The following GREB1 variants were observed in gnomAD, a reference collection of about 807,000 sequenced individuals.
The protein encoded by GREB1 is protein GREB1.
Under a neutral mutation model 200.7 loss-of-function variants are expected in GREB1, and 106 were observed. That is an observed-to-expected ratio of 0.53 (90% confidence interval 0.45 to 0.62). The LOEUF (loss-of-function observed/expected upper bound fraction) is 0.62, where lower values mean the gene tolerates loss of function less well. Ranked by LOEUF, GREB1 falls within the 20% of genes least tolerant of loss-of-function variation. The probability of loss-of-function intolerance (pLI) is 0.00; values close to 1 mark genes in which losing one functional copy is unlikely to be tolerated. For synonymous variants in GREB1, 1,132 were observed against 1,092.4 expected (o/e 1.04, Z -0.72); for missense variants, 2,243 against 2,556.8 (o/e 0.88, Z 2.65).
intron 1 of GREB1, among the ~76,000 whole-genome samples, chr2:11,501,408 T>G (rs917304189): frequency 5.3e-5 from 8 of 152,290 alleles, no homozygotes; most frequent in Middle Eastern, 3.4e-3. Context: ...TGCTGCGTTT[T>G]TTTGAGATGG....
intron 1 of GREB1, among the ~76,000 whole-genome samples, chr2:11,525,803 C>G (rs1004842757): frequency 1.2e-4 from 18 of 152,170 alleles, no homozygotes; most frequent in African/African-American, 4.3e-4. Context: ...CATCTAGATT[C>G]TCCTGGCCCC....
At chr2:11,552,548 T>A (rs1269749054) in intron 1 of GREB1, among the ~76,000 whole-genome samples, 1 of 152,160 alleles carries the variant, frequency 6.6e-6, no homozygotes, top group Admixed American at 6.5e-5. Flanking sequence ...CGGATTCCAG[T>A]GGGTCAGAGA....
chr2:11,595,983 G>T, intron 12 of GREB1, 128 bp from the exon 13 acceptor site: 1 of 830,354 alleles, frequency 1.2e-6, no homozygotes, highest in Non-Finnish European at 1.9e-6. Context: ...TTGACAGGAC[G>T]GGCCATGTCC....
chr2:11,596,772 TGA>T (rs1491136494), intron 13 of GREB1, among the ~76,000 whole-genome samples: 2 of 23,182 alleles, frequency 8.6e-5, no homozygotes, highest in South Asian at 3.3e-3. Context: ...GTGTACACAG[TGA>T]GGGGGGTGGG....
intron 1 of GREB1, among the ~76,000 whole-genome samples, chr2:11,501,877 T>C (rs1673047383): frequency 6.7e-6 from 1 of 149,840 alleles, no homozygotes; most frequent in Admixed American, 6.7e-5. Context: ...TTCTTACTTA[T>C]TAGAGCCTGG....
chr2:11,520,506 C>T (rs567599391), intron 1 of GREB1, among the ~76,000 whole-genome samples: 1 of 152,178 alleles, frequency 6.6e-6, no homozygotes, highest in Non-Finnish European at 1.5e-5. Flanking sequence ...TTCCTAGCTT[C>T]TAGAGGCCAC....
intron 1 of GREB1, among the ~76,000 whole-genome samples, chr2:11,495,532 G>C (rs1672860859): frequency 6.6e-6 from 1 of 151,974 alleles, no homozygotes; most frequent in South Asian, 2.1e-4. Context: ...AAAAAAATAA[G>C]TTGGGGTCAT....
chr2:11,622,750 C>G (rs140846955), intron 23 of GREB1, among the ~76,000 whole-genome samples: 165 of 152,326 alleles, frequency 1.1e-3, no homozygotes, highest in African/African-American at 3.8e-3. Context: ...GCAGGTTTTG[C>G]TGGCATTGGC....
At chr2:11,576,622 C>T in intron 5 of GREB1, 87 bp downstream of exon 5, 2 of 985,068 alleles carry the variant, frequency 2.0e-6, no homozygotes, top group Non-Finnish European at 3.1e-6. Context: ...TGGGGAGAGG[C>T]CCCTGCATAG....
rs1676448081 is a variant in GREB1 at position 11,556,507 on chromosome 2, C to T, written c.-108C>T. Reference sequence around the variant, plus strand: ...CTTCGTCTCTGCTGAGCGAAGGCTACACGGCCCTTCCTCCTTGCAGCTGTT... The same window carrying T: ...CTTCGTCTCTGCTGAGCGAAGGCTATACGGCCCTTCCTCCTTGCAGCTGTT... On this transcript the variant is annotated 5_prime_UTR_variant, in exon 2 of 33. Transcript: ENST00000381486. 6.8e-6 allele frequency: 6 copies of T among 877,982 alleles called. No individual in the cohort carries two copies. The Admixed American group carries it at 9.0e-5, about 13-fold the overall frequency. The allele number at this position is 877,982 out of a possible 1,614,324, so 54.4% of individuals were successfully genotyped here. A position where few individuals can be genotyped will look rare whatever the true frequency, so the allele number is the denominator to read the frequency against.
intron 1 of GREB1, among the ~76,000 whole-genome samples, chr2:11,505,432 A>G (rs1673158923): frequency 6.6e-6 from 1 of 152,210 alleles, no homozygotes; most frequent in Non-Finnish European, 1.5e-5. Context: ...GGACAGAGCT[A>G]GAGTCTTTCA....
chr2:11,487,409 T>C (rs567925959), intron 1 of GREB1, among the ~76,000 whole-genome samples: 3 of 152,232 alleles, frequency 2.0e-5, no homozygotes, highest in Non-Finnish European at 4.4e-5. Context: ...TTTTTATTTA[T>C]GCCATCATAT....
intron 1 of GREB1, among the ~76,000 whole-genome samples, chr2:11,485,193 A>C (rs967227414): frequency 2.0e-5 from 3 of 152,056 alleles, no homozygotes; most frequent in African/African-American, 7.2e-5. Flanking sequence ...AGCCAGTTGG[A>C]CCAATATCTG....
rs372843517 is a variant in GREB1, at chr2:11,588,885, C to T, written c.1299C>T (p.Ser433=). 3.0e-5 allele frequency: 48 copies of T among 1,614,070 alleles called. No homozygotes were observed. Among genetic ancestry groups the T allele is most frequent in the African/African-American group, 1.1e-4 (8 of 74,944 alleles). ...GCGCCTCTGCCATCCAGCCCATCTC[C>T]GAGGAGATGCAGCTCCTGCTTACCG... ...QYGASAIQPI[S]EEMQLLLTVY... The change falls in exon 10 of 33, where the codon TCC becomes TCT. Residue 433 remains serine (S), a synonymous_variant. Transcript: ENST00000381486.
chr2:11,614,981 C>T (rs1328773536), intron 19 of GREB1, 110 bp from the exon 20 acceptor site: 2 of 800,878 alleles, frequency 2.5e-6, no homozygotes, highest in Admixed American at 1.9e-5. Flanking sequence ...GTCCTTGGGT[C>T]CTCACCAGGA....
intron 22 of GREB1, 107 bp downstream of exon 22, chr2:11,619,026 C>T: frequency 9.0e-7 from 1 of 1,105,498 alleles, no homozygotes; most frequent in Non-Finnish European, 1.2e-6. Context: ...TCACTTTTCA[C>T]CCTTCCCGTG....
At chr2:11,584,280 T>C (rs1323941621) in intron 7 of GREB1, among the ~76,000 whole-genome samples, 1 of 152,220 alleles carries the variant, frequency 6.6e-6, no homozygotes, top group Non-Finnish European at 1.5e-5. Flanking sequence ...TTTTGAACCA[T>C]TCACGAAGAT....
chr2:11,637,301 G>A (rs1324974481), intron 30 of GREB1, among the ~76,000 whole-genome samples: 1 of 152,070 alleles, frequency 6.6e-6, no homozygotes, highest in Non-Finnish European at 1.5e-5. Context: ...TGTTGGTGAT[G>A]GAGCAAGAGC....
intron 1 of GREB1, among the ~76,000 whole-genome samples, chr2:11,502,595 GT>G (rs1474469682): frequency 2.0e-5 from 3 of 151,860 alleles, no homozygotes; most frequent in African/African-American, 7.3e-5. Context: ...TCCTTTAGTA[GT>G]TTATCTTTAT....
Sources: gnomAD v4.1 joint callset for allele counts (sites outside exome capture counted in the v4.1 genomes callset) on GRCh38, gnomAD v4.1.1 for gene constraint, MANE v1.5 for transcripts, NCBI Gene and HGNC (gene_info 2026-07-23, HGNC 2026-07-21) for gene names.